GPC3: variants seen among roughly 807,000 people sequenced by gnomAD.
GPC3 encodes the protein glypican-3.
A neutral mutation model predicts 34.4 loss-of-function variants in GPC3; 3 were observed. The ratio of observed to expected loss-of-function variants is 0.09; its 90% CI spans 0.04 to 0.23. GPC3 has a LOEUF of 0.23. Ranked by LOEUF, GPC3 falls within the 10% of genes least tolerant of loss-of-function variation. The pLI, the probability that GPC3 is intolerant of heterozygous loss-of-function variation, is 1.00. For missense variants in GPC3, 351 were observed against 445.6 expected, an observed-to-expected ratio of 0.79 and a Z score of 1.91; for synonymous variants, 177 against 174.0, an observed-to-expected ratio of 1.02 and a Z score of -0.13.
chrX:133,948,871 C>T (rs1466153897), intron 2 of GPC3, among the ~76,000 whole-genome samples: 4 of 111,877 alleles, frequency 3.6e-5, no homozygotes, highest in Non-Finnish European at 7.5e-5. Context: ...ATCATGAACT[C>T]CAGCCTTGTC....
intron 2 of GPC3, among the ~76,000 whole-genome samples, chrX:133,761,874 G>A (rs756359122): frequency 4.5e-5 from 5 of 111,655 alleles, no homozygotes; most frequent in Non-Finnish European, 9.4e-5. Flanking sequence ...TTACTAGAAC[G>A]CTTAGGGCCA....
intron 1 of GPC3, among the ~76,000 whole-genome samples, chrX:133,971,163 A>G (rs781684455): frequency 9.3e-4 from 105 of 112,473 alleles, no homozygotes; most frequent in Non-Finnish European, 1.7e-3. Context: ...ACAAAGATGC[A>G]ATTTTCATTT....
chrX:133,610,445 T>G (rs1163327347), intron 6 of GPC3, among the ~76,000 whole-genome samples: 2 of 110,890 alleles, frequency 1.8e-5, no homozygotes, highest in East Asian at 5.7e-4. Context: ...CTGAGCTCAG[T>G]AGGTAACAAT....
At chrX:133,953,402 C>A (rs2076402194) in intron 1 of GPC3, among the ~76,000 whole-genome samples, 191 bp from the exon 2 acceptor site, 1 of 110,616 alleles carries the variant, frequency 9.0e-6, no homozygotes, top group African/African-American at 3.3e-5. Context: ...CCTGCTTTCT[C>A]CCAATTGTCC....
chrX:133,943,940 C>T (rs2076356046), intron 2 of GPC3, among the ~76,000 whole-genome samples: 1 of 111,950 alleles, frequency 8.9e-6, no homozygotes, highest in Non-Finnish European at 1.9e-5. Flanking sequence ...TATATCTAAG[C>T]AGCTTTTAAA....
intron 3 of GPC3, among the ~76,000 whole-genome samples, chrX:133,700,330 A>T (rs1417007445): frequency 1.8e-5 from 2 of 111,469 alleles, no homozygotes; most frequent in Non-Finnish European, 3.8e-5. Context: ...GCCTCACGCT[A>T]TTGATACCTT....
chrX:133,660,224 C>A (rs1479586804), intron 6 of GPC3, among the ~76,000 whole-genome samples: 1 of 112,202 alleles, frequency 8.9e-6, no homozygotes, highest in East Asian at 2.8e-4. Context: ...CTAGGACCCA[C>A]AAAAATTTCA....
chrX:133,965,951 G>C (rs922601144), intron 1 of GPC3, among the ~76,000 whole-genome samples: 4 of 111,372 alleles, frequency 3.6e-5, no homozygotes, highest in African/African-American at 9.8e-5. Context: ...TGTTAAAAAG[G>C]GGGGAAAGAT....
intron 1 of GPC3, among the ~76,000 whole-genome samples, chrX:133,974,685 T>C (rs1438999642): frequency 2.7e-5 from 3 of 111,576 alleles, no homozygotes; most frequent in Non-Finnish European, 5.7e-5. Context: ...CTTAAGCCTA[T>C]ATGCTGATGA....
rs144841685 is a variant in GPC3 at position 133,614,569 on chromosome X, T to C, written c.1414-17970A>G. On this transcript the variant is annotated intron_variant, in intron 6 of 7. Transcript: ENST00000370818. ...GAAACAGAAACAGAAGCTGAGAGAG[T>C]TTGCTATTAGTAGACATACCCTAGG... 8.0e-3 allele frequency among the ~76,000 whole-genome samples: 882 copies of C among 110,361 alleles called. 10 individuals carry two copies. Among genetic ancestry groups the C allele is most frequent in the African/African-American group, 0.027 (833 of 30,433 alleles).
intron 7 of GPC3, among the ~76,000 whole-genome samples, chrX:133,560,738 C>CAAA (rs5903866): frequency 3.1e-5 from 3 of 96,493 alleles, no homozygotes; most frequent in Admixed American, 1.2e-4. Flanking sequence ...GACTCTGTCT[C>CAAA]AAAAAAAAAA....
At chrX:133,669,056 G>C (rs1241242335) in intron 5 of GPC3, among the ~76,000 whole-genome samples, 1 of 111,400 alleles carries the variant, frequency 9.0e-6, no homozygotes, top group South Asian at 3.9e-4. Context: ...AGAGAGCCCT[G>C]TGTATAGGGT....
chrX:133,819,125 T>C (rs1172033355), intron 2 of GPC3, among the ~76,000 whole-genome samples: 1 of 93,534 alleles, frequency 1.1e-5, no homozygotes, highest in Admixed American at 1.1e-4. Context: ...GTATATATCC[T>C]AATGCTATCC....
intron 5 of GPC3, among the ~76,000 whole-genome samples, chrX:133,684,707 C>T (rs995331542): frequency 1.3e-4 from 14 of 110,422 alleles, no homozygotes; most frequent in Non-Finnish European, 2.6e-4. Flanking sequence ...GAAAAGCCAC[C>T]CTATAAATTA....
chrX:133,565,280 C>T (rs1046853345), intron 7 of GPC3, among the ~76,000 whole-genome samples: 5 of 111,459 alleles, frequency 4.5e-5, no homozygotes, highest in Non-Finnish European at 9.4e-5. Flanking sequence ...TCCTGACCCC[C>T]GCAATAGCCC....
rs776020485 is a variant in GPC3 at position 133,724,568 on chromosome X, T to A, written c.1033-24540A>T. On this transcript the variant is annotated intron_variant, in intron 3 of 7. Transcript: ENST00000370818. ...ATCATTCTTTCTGGGACACCGAATTTGGGATGTGAATAACAAAGTCTACAG... is the reference window on the plus strand; with the variant it reads ...ATCATTCTTTCTGGGACACCGAATTAGGGATGTGAATAACAAAGTCTACAG... Among the ~76,000 whole-genome samples, 6 of 111,855 alleles carry A rather than the reference T, an allele frequency of 5.4e-5. No individual in the cohort carries two copies. In the South Asian group the frequency reaches 2.3e-3, roughly 43 times the overall value.
chrX:133,715,342 T>C (rs1407283011), intron 3 of GPC3, among the ~76,000 whole-genome samples: 1 of 111,763 alleles, frequency 8.9e-6, no homozygotes, highest in Non-Finnish European at 1.9e-5. Flanking sequence ...ACTTTTGAGG[T>C]TTTGGGACTT....
intron 2 of GPC3, among the ~76,000 whole-genome samples, chrX:133,776,569 A>G (rs1345290757): frequency 8.9e-6 from 1 of 112,001 alleles, no homozygotes; most frequent in African/African-American, 3.3e-5. Flanking sequence ...ACTATTGTTT[A>G]TTATTCATTG....
At chrX:133,632,105 A>T (rs113442777) in intron 6 of GPC3, among the ~76,000 whole-genome samples, 33 of 109,622 alleles carry the variant, frequency 3.0e-4, no homozygotes, top group African/African-American at 4.7e-4. Flanking sequence ...AAAATTTTTT[A>T]AAAAATTTTT....
Sources: gnomAD v4.1 joint callset for allele counts (sites outside exome capture counted in the v4.1 genomes callset) on GRCh38, gnomAD v4.1.1 for gene constraint, MANE v1.5 for transcripts, NCBI Gene and HGNC (gene_info 2026-07-23, HGNC 2026-07-21) for gene names.